The following MFSD11 variants were observed in gnomAD, a reference collection of about 807,000 sequenced individuals.
The protein encoded by MFSD11 is major facilitator superfamily domain containing 11.
A neutral mutation model predicts 53.5 loss-of-function variants in MFSD11; 36 were observed. The observed-to-expected ratio is 0.67, with a 90% CI of 0.52 to 0.89. The LOEUF (loss-of-function observed/expected upper bound fraction) is 0.89. MFSD11 is among the 40% of genes least tolerant of loss of function. MFSD11 has a pLI of 0.00. For synonymous variants in MFSD11, 186 were observed against 184.9 expected, an observed-to-expected ratio of 1.01 and a Z score of -0.05; for missense variants, 530 against 543.9, an observed-to-expected ratio of 0.97 and a Z score of 0.25.
At position 76,769,582 on chromosome 17, in the gene MFSD11, A is replaced by G. The variant is rs1015906589; in HGVS notation, c.749-164A>G. 7.2e-5 allele frequency: 37 copies of G among 510,652 alleles called. No homozygotes were observed. In the East Asian group the frequency reaches 1.3e-3, roughly 17 times the overall value. The allele number at this position is 510,652 out of a possible 1,614,324, so 31.6% of individuals were successfully genotyped here. ...CATAGCATGAAGCTAATTCCATTTC[A>G]TCAGTTACATCACATTATGCTCTGC... is the stretch of plus-strand genomic sequence containing the variant. On this transcript the variant is annotated intron_variant, in intron 9 of 12. Coordinates refer to ENST00000685175, the MANE Select transcript of MFSD11 (RefSeq NM_001242532.5).
the MFSD11 span, among the ~76,000 whole-genome samples, chr17:76,791,000 T>C: frequency 6.7e-6 from 1 of 148,524 alleles, no homozygotes; most frequent in South Asian, 2.2e-4. Flanking sequence ...TGTTTTTTGG[T>C]CCTTGATCAA....
downstream of MFSD11, among the ~76,000 whole-genome samples, chr17:76,785,762 G>C (rs2082266452): frequency 6.6e-6 from 1 of 152,088 alleles, no homozygotes; most frequent in African/African-American, 2.4e-5. Context: ...AAATGGTTAA[G>C]ATGGTAAATT....
At chr17:76,792,966 G>C in the MFSD11 span, among the ~76,000 whole-genome samples, 2 of 151,432 alleles carry the variant, frequency 1.3e-5, no homozygotes, top group Non-Finnish European at 2.9e-5. Context: ...GTTTTTATTA[G>C]TGATTTTCAA....
chr17:76,776,312 T>C lies in MFSD11; in HGVS notation c.1050-94T>C. ...TTTTTGTTTCATAGTGTTTACAACT[T>C]GCAGGTAGAATTCTTTTGTGGGTGG... is the stretch of plus-strand genomic sequence containing the variant. On this transcript the variant is annotated intron_variant, in intron 11 of 12. Coordinates refer to ENST00000685175, the MANE Select transcript of MFSD11 (RefSeq NM_001242532.5). This position sits in a 1 kb window ranked among gnomAD's most constrained non-coding sequence, Gnocchi z 4.2. The C allele has an allele frequency of 1.5e-6, 2 of 1,341,566 alleles. No individual in the cohort carries two copies. Among genetic ancestry groups the C allele is most frequent in the Non-Finnish European group, 2.1e-6 (2 of 974,288 alleles). The allele number at this position is 1,341,566 out of a possible 1,614,324, so 83.1% of individuals were successfully genotyped here.
At position 76,740,951 on chromosome 17, in the gene MFSD11, G is replaced by A. The variant is rs755647784; in HGVS notation, c.153-6G>A. ...TTTTTTTTCCGTTTGTGTATTATGT[G>A]TGCAGCATGGCTATTATCTATGGAG... On this transcript the variant is annotated splice_polypyrimidine_tract_variant and splice_region_variant and intron_variant, in intron 2 of 12. Transcript: ENST00000685175. The A allele has an allele frequency of 1.3e-5, 19 of 1,414,600 alleles. No individual in the cohort carries two copies. The highest frequency in any genetic ancestry group is 1.9e-5 in the Non-Finnish European group (19 of 1,012,904). The allele number at this position is 1,414,600 out of a possible 1,614,324, so 87.6% of individuals were successfully genotyped here. A position where few individuals can be genotyped will look rare whatever the true frequency, so the allele number is the denominator to read the frequency against.
In MFSD11 at chr17:76,754,013, GA is replaced by G. The variant is rs763785566; in HGVS notation, c.642-28del. The G allele has an allele frequency of 3.7e-5, 59 of 1,575,638 alleles. No individual in the cohort carries two copies. In the South Asian group the frequency reaches 5.8e-4, roughly 16 times the overall value. ...ATGTTTGTTCTTTTATTTTCAAAAA[GA>G]AAAAACTTATTTTTTACATTTTATT... On this transcript the variant is annotated intron_variant, in intron 7 of 12. Transcript: ENST00000685175.
At chr17:76,797,224 A>G in the MFSD11 span, among the ~76,000 whole-genome samples, 1 of 152,100 alleles carries the variant, frequency 6.6e-6, no homozygotes, top group Non-Finnish European at 1.5e-5. Flanking sequence ...AAGAATGGCT[A>G]CTCCATAGAC....
At chr17:76,739,537 AG>A (rs1268839864) in intron 2 of MFSD11, among the ~76,000 whole-genome samples, 1 of 152,262 alleles carries the variant, frequency 6.6e-6, no homozygotes, top group Non-Finnish European at 1.5e-5. Flanking sequence ...TAATATGTAC[AG>A]GTATATATAC....
intron 8 of MFSD11, among the ~76,000 whole-genome samples, chr17:76,765,296 T>C (rs2080725950): frequency 6.6e-6 from 1 of 152,104 alleles, no homozygotes; most frequent in Non-Finnish European, 1.5e-5. Context: ...ATCAATTGAC[T>C]GTAGATATAA....
intron 7 of MFSD11, among the ~76,000 whole-genome samples, chr17:76,753,315 G>C (rs975254684): frequency 2.0e-5 from 3 of 152,176 alleles, no homozygotes; most frequent in African/African-American, 7.2e-5. Context: ...TAATGCCAAA[G>C]AACTTATTTT....
At chr17:76,784,802 C>T (rs537361913), downstream of MFSD11, among the ~76,000 whole-genome samples, 32 of 151,788 alleles carry the variant, frequency 2.1e-4, no homozygotes, top group South Asian at 8.3e-4. Flanking sequence ...AGGAGGCTAA[C>T]GCAGGATAAT....
At chr17:76,770,289 C>T (rs560233327) in intron 10 of MFSD11, among the ~76,000 whole-genome samples, 6 of 152,226 alleles carry the variant, frequency 3.9e-5, no homozygotes, top group East Asian at 3.9e-4. Context: ...CCGCCCACCT[C>T]GGCCTCCCAA....
upstream of MFSD11, chr17:76,736,657 TG>T: frequency 8.4e-7 from 1 of 1,194,388 alleles, no homozygotes; most frequent in South Asian, 2.3e-5. Context: ...GCTCGCGGGG[TG>T]GCCGGAGGGT....
the MFSD11 span, among the ~76,000 whole-genome samples, chr17:76,791,621 G>C: frequency 2.0e-5 from 3 of 148,474 alleles, 1 homozygote; most frequent in East Asian, 5.9e-4. Context: ...AGCCGCACGG[G>C]GTGTCTGGGC....
At chr17:76,766,720 C>G (rs1403633789) in intron 8 of MFSD11, among the ~76,000 whole-genome samples, 1 of 152,148 alleles carries the variant, frequency 6.6e-6, no homozygotes, top group Non-Finnish European at 1.5e-5. Flanking sequence ...TCTGGATCCA[C>G]TGTTAGTTTT....
At chr17:76,744,489 T>C in intron 7 of MFSD11, 23 bp downstream of exon 7, 1 of 1,598,486 alleles carries the variant, frequency 6.3e-7, no homozygotes, top group African/African-American at 1.4e-5. Flanking sequence ...AAACATTCTA[T>C]TTTATTTTAA....
At chr17:76,739,529 A>G (rs957931778) in intron 2 of MFSD11, among the ~76,000 whole-genome samples, 4 of 152,254 alleles carry the variant, frequency 2.6e-5, no homozygotes, top group Admixed American at 1.3e-4. Context: ...TGAGAATGTA[A>G]TATGTACAGG....
In MFSD11 at chr17:76,776,508, C is replaced by T. The variant is rs758718846; in HGVS notation, c.1152C>T (p.Ser384=). 199 of 1,613,960 alleles carry T rather than the reference C, an allele frequency of 1.2e-4. 1 individual carries two copies. In the South Asian group the frequency reaches 1.5e-3, roughly 12 times the overall value. The change falls in exon 12 of 13, where the codon AGC becomes AGT. Residue 384 remains serine, a synonymous_variant. Coordinates refer to ENST00000685175, the MANE Select transcript of MFSD11 (RefSeq NM_001242532.5). This position sits in a 1 kb window ranked among gnomAD's most constrained non-coding sequence, Gnocchi z 4.2. ...SILGFLYSED[S]APAFAIFKFV... The stretch of plus-strand genomic sequence containing the variant: ...TGGGCTTTCTGTATTCTGAAGACAG[C>T]GCCCCAGCATTTGCCATCTTCAAGT...
intron 8 of MFSD11, among the ~76,000 whole-genome samples, chr17:76,755,812 A>ATATATTTTTTTTT (rs1555669398): frequency 5.1e-5 from 1 of 19,518 alleles, no homozygotes; most frequent in African/African-American, 1.6e-4. Flanking sequence ...ATATATATAT[A>ATATATTTTTTTTT]TTTTTTTTTT....
Sources: gnomAD v4.1 joint callset for allele counts (sites outside exome capture counted in the v4.1 genomes callset) on GRCh38, gnomAD v4.1.1 for gene constraint, Gnocchi (gnomAD v3.1) non-coding constraint, MANE v1.5 for transcripts, NCBI Gene and HGNC (gene_info 2026-07-23, HGNC 2026-07-21) for gene names.